Variants in MTHFS observed in about 807,000 individuals in gnomAD.
MTHFS encodes methenyltetrahydrofolate synthetase.
MTHFS carries 7 observed loss-of-function variants against 12.7 expected under a neutral mutation model. That is an observed-to-expected ratio of 0.55 (90% confidence interval 0.31 to 1.03). The LOEUF (loss-of-function observed/expected upper bound fraction) is 1.03. Among genes scored for constraint, MTHFS ranks in the 50% least tolerant of loss-of-function variants. The probability of loss-of-function intolerance (pLI) is 0.05; values close to 1 mark genes in which losing one functional copy is unlikely to be tolerated. For missense variants in MTHFS, 252 were observed against 258.1 expected (o/e 0.98, Z 0.16); for synonymous variants, 100 against 97.1 (o/e 1.03, Z -0.18).
At chr15:79,897,220 C>T (rs958553442), upstream of MTHFS, 11 of 445,614 alleles carry the variant, frequency 2.5e-5, no homozygotes, top group African/African-American at 2.0e-4. Flanking sequence ...GCTCGCCCTC[C>T]CCGGTTAGGG....
chr15:79,878,822 C>T (rs2141367308), intron 2 of MTHFS, among the ~76,000 whole-genome samples: 1 of 151,008 alleles, frequency 6.6e-6, no homozygotes, highest in East Asian at 1.9e-4. Context: ...TTGTTGCTGC[C>T]TCTGGGACAA....
At position 79,896,830 on chromosome 15, in the gene MTHFS, A is replaced by C. The variant is rs555805556; in HGVS notation, c.117+42T>G. Reference sequence around the variant, plus strand: ...CAATCGCTGGCCGCCAGGCCTTCGGAGGGTCTGTCCGCCGCGGCTTCCGCT... The same window carrying C: ...CAATCGCTGGCCGCCAGGCCTTCGGCGGGTCTGTCCGCCGCGGCTTCCGCT... On this transcript the variant is annotated intron_variant, in intron 1 of 2. Transcript: ENST00000258874. The C allele has an allele frequency of 5.0e-4, 762 of 1,535,368 alleles. 5 individuals are homozygous for C. In the South Asian group the frequency reaches 7.6e-3, roughly 15 times the overall value.
intron 2 of MTHFS, among the ~76,000 whole-genome samples, chr15:79,884,449 G>C (rs2034348607): frequency 6.6e-6 from 1 of 152,192 alleles, no homozygotes; most frequent in African/African-American, 2.4e-5. Flanking sequence ...GAGAAGGCTT[G>C]AATAGGGTAG....
intron 1 of MTHFS, among the ~76,000 whole-genome samples, chr15:79,893,327 G>A (rs1596084609): frequency 1.3e-5 from 2 of 151,334 alleles, no homozygotes; most frequent in Non-Finnish European, 2.9e-5. Context: ...CCTTGAACCC[G>A]GGAGGCGAAG....
intron 2 of MTHFS, among the ~76,000 whole-genome samples, chr15:79,855,748 A>G (rs1232222573): frequency 2.0e-5 from 3 of 152,078 alleles, no homozygotes; most frequent in Non-Finnish European, 4.4e-5. Flanking sequence ...GCTCCCACTT[A>G]TAAGTGAGAA....
intron 2 of MTHFS, among the ~76,000 whole-genome samples, chr15:79,857,662 C>A (rs2033834721): frequency 6.6e-6 from 1 of 152,168 alleles, no homozygotes; most frequent in African/African-American, 2.4e-5. Context: ...TGCCTTTTCA[C>A]TGCAACTAGC....
intron 1 of MTHFS, among the ~76,000 whole-genome samples, chr15:79,895,706 A>C (rs2034556056): frequency 6.6e-6 from 1 of 152,246 alleles, no homozygotes; most frequent in African/African-American, 2.4e-5. Context: ...ACCTACATAG[A>C]TGAAGAGAGG....
At chr15:79,857,211 T>C (rs112537869) in intron 2 of MTHFS, among the ~76,000 whole-genome samples, 3,096 of 152,258 alleles carry the variant, frequency 0.02, 93 homozygotes, top group African/African-American at 0.07. Flanking sequence ...TTGGCCAGGC[T>C]GGTCTCGAAC....
At position 79,896,957 on chromosome 15, in the gene MTHFS, C is replaced by G; in HGVS notation, c.32G>C (p.Arg11Pro). The G allele has an allele frequency of 6.5e-7, 1 of 1,535,678 alleles. No individual in the cohort carries two copies. The highest frequency in any genetic ancestry group is 8.7e-7 in the Non-Finnish European group (1 of 1,145,398). The part of the protein sequence containing the change: MAAAAVSSAK[R>P]SLRGELKQRL... ...CTGCTTCAGCTCTCCCCGCAGGCTC[C>G]GCTTGGCGCTGCTCACCGCTGCCGC... The change falls in exon 1 of 3, where the codon CGG becomes CCG. Residue 11 changes from arginine (R) to proline (P), a missense_variant. Arg to Pro is a moderately radical substitution (Grantham distance 103). Transcript: ENST00000258874.
chr15:79,862,910 C>G lies in MTHFS; in HGVS notation c.380-17468G>C, dbSNP rs183189472. 3.9e-3 allele frequency among the ~76,000 whole-genome samples: 595 copies of G among 152,282 alleles called. 3 individuals are homozygous for G. Among genetic ancestry groups the G allele is most frequent in the African/African-American group, 0.014 (570 of 41,566 alleles). On this transcript the variant is annotated intron_variant, in intron 2 of 2. Coordinates refer to ENST00000258874, the MANE Select transcript of MTHFS (RefSeq NM_006441.4). ...GTAATATCAGGGCACACCCCAAGACCATACTCTGGCAAGTCCTGAATCAAT... is the reference window on the plus strand; with the variant it reads ...GTAATATCAGGGCACACCCCAAGACGATACTCTGGCAAGTCCTGAATCAAT...
chr15:79,889,480 G>A (rs2034436782), intron 1 of MTHFS, 126 bp from the exon 2 acceptor site: 6 of 1,368,870 alleles, frequency 4.4e-6, no homozygotes, highest in Middle Eastern at 2.7e-4. Flanking sequence ...AAAAAGGGGG[G>A]GGGACCAGAG....
At chr15:79,896,832 G>C (rs1417417936) in intron 1 of MTHFS, 40 bp downstream of exon 1, 1 of 1,538,306 alleles carries the variant, frequency 6.5e-7, no homozygotes, top group Non-Finnish European at 8.7e-7. Flanking sequence ...GCCTTCGGAG[G>C]GTCTGTCCGC....
rs549208638 is a variant in MTHFS at position 79,867,318 on chromosome 15, A to T, written c.379+21775T>A. On this transcript the variant is annotated intron_variant, in intron 2 of 2. Transcript: ENST00000258874. Reference sequence around the variant, plus strand: ...TGTTGAGGTGATTTTAGAAAGCCAAACTCTCAGTGGAGTAAAATCAATATG... The same window carrying T: ...TGTTGAGGTGATTTTAGAAAGCCAATCTCTCAGTGGAGTAAAATCAATATG... Among the ~76,000 whole-genome samples the T allele has an allele frequency of 2.6e-5, 4 of 151,946 alleles. No homozygotes were observed. In the East Asian group the frequency reaches 7.7e-4, roughly 29 times the overall value.
rs115966851 is a variant in MTHFS, at chr15:79,870,315, C to T, written c.379+18778G>A. Among the ~76,000 whole-genome samples the T allele has an allele frequency of 3.2e-3, 493 of 152,200 alleles. 5 individuals carry two copies. The highest frequency in any genetic ancestry group is 0.011 in the African/African-American group (460 of 41,526). On this transcript the variant is annotated intron_variant, in intron 2 of 2. Coordinates refer to ENST00000258874, the MANE Select transcript of MTHFS (RefSeq NM_006441.4). ...ATTGGAACACTGTCTGTTTTGGTAC[C>T]GTCTATGGTTTCTTTCATATTGCAG...
intron 1 of MTHFS, among the ~76,000 whole-genome samples, chr15:79,894,012 G>A (rs77462993): frequency 0.042 from 6,397 of 152,298 alleles, 195 homozygotes; most frequent in Non-Finnish European, 0.061. Flanking sequence ...ACAGTACACT[G>A]ATGTTTCCAG....
chr15:79,896,811 C>T (rs1269379445), intron 1 of MTHFS, 61 bp downstream of exon 1: 1 of 1,534,870 alleles, frequency 6.5e-7, no homozygotes, highest in Admixed American at 2.0e-5. Context: ...TCAGCAATCG[C>T]TGGCCGCCAG....
chr15:79,867,867 C>G (rs1190657554), intron 2 of MTHFS, among the ~76,000 whole-genome samples: 1 of 152,046 alleles, frequency 6.6e-6, no homozygotes, highest in Non-Finnish European at 1.5e-5. Flanking sequence ...ATACAGAGAC[C>G]TACAATCTAC....
chr15:79,858,328 G>A (rs1407326283), intron 2 of MTHFS, among the ~76,000 whole-genome samples: 1 of 152,186 alleles, frequency 6.6e-6, no homozygotes, highest in Non-Finnish European at 1.5e-5. Flanking sequence ...TACAAAGGAA[G>A]GAAGTTGTAT....
intron 1 of MTHFS, 87 bp from the exon 2 acceptor site, chr15:79,889,441 T>C: frequency 1.1e-6 from 1 of 923,488 alleles, no homozygotes; most frequent in Non-Finnish European, 1.5e-6. Flanking sequence ...CTCAGCCTTC[T>C]CCAATTTCTT....
Sources: allele counts gnomAD v4.1 joint callset (sites outside exome capture counted in the v4.1 genomes callset), GRCh38; gene constraint gnomAD v4.1.1; transcripts MANE v1.5; gene names NCBI Gene and HGNC (gene_info 2026-07-23, HGNC 2026-07-21).